ZNF335: variants seen among roughly 807,000 people sequenced by gnomAD.
ZNF335 encodes NRC-interacting factor 1.
ZNF335 carries 84 observed loss-of-function variants against 145.6 expected under a neutral mutation model. The observed-to-expected ratio is 0.58, with a 90% CI of 0.48 to 0.69. ZNF335 has a LOEUF of 0.69. Ranked by LOEUF, ZNF335 falls within the 30% of genes least tolerant of loss-of-function variation. ZNF335 has a pLI of 0.00. For synonymous variants in ZNF335, 761 were observed against 717.0 expected, an observed-to-expected ratio of 1.06 and a Z score of -0.98; for missense variants, 1,865 against 1,809.7, an observed-to-expected ratio of 1.03 and a Z score of -0.55.
intron 6 of ZNF335, 171 bp downstream of exon 6, chr20:45,967,323 C>A: frequency 1.0e-6 from 1 of 956,410 alleles, no homozygotes; most frequent in Non-Finnish European, 1.6e-6. Flanking sequence ...GCACCCTGCA[C>A]AACTGCACAC....
chr20:45,963,425 T>A, intron 9 of ZNF335, 48 bp downstream of exon 9: 1 of 1,577,326 alleles, frequency 6.3e-7, no homozygotes. Flanking sequence ...GGCCTCTGCT[T>A]GCCTTCTTCA....
intron 4 of ZNF335, 97 bp downstream of exon 4, chr20:45,968,188 C>G: frequency 6.6e-7 from 1 of 1,512,424 alleles, no homozygotes. Context: ...CAGTGGATAC[C>G]CAGCCAGGGC....
intron 7 of ZNF335, 30 bp downstream of exon 7, chr20:45,965,598 A>C: frequency 6.3e-7 from 1 of 1,580,986 alleles, no homozygotes; most frequent in Non-Finnish European, 8.6e-7. Context: ...TGACCCACCC[A>C]CACGAGCCCC....
At chr20:45,958,256 C>T (rs571031321) in intron 15 of ZNF335, among the ~76,000 whole-genome samples, 1 of 152,230 alleles carries the variant, frequency 6.6e-6, no homozygotes, top group South Asian at 2.1e-4. Context: ...CCATGTTGGT[C>T]GGCTGGTTTC....
rs759434442 is a variant in ZNF335 at position 45,952,285 on chromosome 20, C to T, written c.3051G>A (p.Lys1017=). The T allele has an allele frequency of 6.8e-6, 11 of 1,613,490 alleles. 2 individuals carry two copies. In the South Asian group the frequency reaches 8.8e-5, roughly 13 times the overall value. The change falls in exon 20 of 28, where the codon AAG becomes AAA. Residue 1017 remains lysine (K), a synonymous_variant. Transcript: ENST00000322927. ...SPPSAATAAS[K]KFSCKICAEA... ...CGGCACAGATCTTGCAGGAAAACTTCTTTGATGCAGCAGTGGCTGCAGATG... is the reference window on the plus strand; with the variant it reads ...CGGCACAGATCTTGCAGGAAAACTTTTTTGATGCAGCAGTGGCTGCAGATG...
At chr20:45,968,433 C>T (rs2084001628) in intron 3 of ZNF335, 71 bp from the exon 4 acceptor site, 1 of 1,446,506 alleles carries the variant, frequency 6.9e-7, no homozygotes, top group African/African-American at 1.4e-5. Flanking sequence ...CCCCATGGGC[C>T]CCACTTTGGC....
chr20:45,949,823 GC>G lies in ZNF335; in HGVS notation c.3645del (p.Gln1215HisfsTer4). On this transcript the variant is annotated frameshift_variant, in exon 24 of 28. Coordinates refer to ENST00000322927, the MANE Select transcript of ZNF335 (RefSeq NM_022095.4). LOFTEE classifies it high-confidence loss of function. ...EITTADGQTV[Q>X]HLVTSDNQVQ... Reference sequence around the variant, plus strand: ...ACCTGGTTGTCGGAGGTCACCAGGTGCTGTACGGTCTGGCCATCTGCCGTGG... The same window carrying G: ...ACCTGGTTGTCGGAGGTCACCAGGTGTGTACGGTCTGGCCATCTGCCGTGG... 1 of 1,614,126 alleles carries G rather than the reference GC, an allele frequency of 6.2e-7. No individual in the cohort carries two copies. Among genetic ancestry groups the G allele is most frequent in the East Asian group, 2.2e-5 (1 of 44,876 alleles).
In ZNF335 at chr20:45,953,718, C is replaced by T; in HGVS notation, c.2673G>A (p.Glu891=). The change falls in exon 18 of 28, where the codon GAG becomes GAA. Residue 891 remains glutamate (E), a synonymous_variant. Coordinates refer to ENST00000322927, the MANE Select transcript of ZNF335 (RefSeq NM_022095.4). ...AAGGTGTGCCAGGAGCTGATGTTCC[C>T]TCCTCCATAGGGGGTGCTGTGATGA... The part of the protein sequence containing the change: ...YSVITAPPME[E]GTSAPGTPYS... 1 of 1,614,088 alleles carries T rather than the reference C, an allele frequency of 6.2e-7. No homozygotes were observed. Among genetic ancestry groups the T allele is most frequent in the South Asian group, 1.1e-5 (1 of 91,088 alleles).
rs755233372 is a variant in ZNF335, at chr20:45,950,459, C to T, written c.3326G>A (p.Gly1109Glu). 3.1e-6 allele frequency: 5 copies of T among 1,614,194 alleles called. No homozygotes were observed. The highest frequency in any genetic ancestry group is 2.2e-5 in the East Asian group (1 of 44,880). ...KEKPFACHLC[G>E]QRFNRNGHLK... The stretch of plus-strand genomic sequence containing the variant: ...CACCAGTATCTGGCCTCACCGCTGC[C>T]CGCAGAGGTGGCATGCAAAAGGCTT... The change falls in exon 21 of 28, where the codon GGG becomes GAG. Residue 1109 changes from glycine (G) to glutamate (E), a missense_variant. By Grantham distance (98) the Gly-to-Glu change is moderately conservative. Coordinates refer to ENST00000322927, the MANE Select transcript of ZNF335 (RefSeq NM_022095.4).
intron 18 of ZNF335, among the ~76,000 whole-genome samples, chr20:45,953,457 G>A (rs550146769): frequency 6.6e-6 from 1 of 152,300 alleles, no homozygotes; most frequent in South Asian, 2.1e-4. Context: ...GGGAAATCTG[G>A]GTCTCATGGG....
intron 17 of ZNF335, among the ~76,000 whole-genome samples, chr20:45,955,828 A>AG (rs2083718908): frequency 1.3e-5 from 2 of 152,164 alleles, no homozygotes; most frequent in Admixed American, 1.3e-4. Context: ...TCAAAAAAAA[A>AG]AAAAATTTAT....
At chr20:45,966,038 T>C (rs929383748) in intron 6 of ZNF335, among the ~76,000 whole-genome samples, 2 of 152,058 alleles carry the variant, frequency 1.3e-5, no homozygotes, top group African/African-American at 4.8e-5. Flanking sequence ...CAACCCTTCC[T>C]CCAGACACTG....
chr20:45,970,901 G>A (rs2084049694), intron 2 of ZNF335, among the ~76,000 whole-genome samples: 1 of 151,980 alleles, frequency 6.6e-6, no homozygotes, highest in South Asian at 2.1e-4. Flanking sequence ...CTAGACATCT[G>A]CCTCTCAAAG....
At chr20:45,955,960 A>G (rs983234007) in intron 17 of ZNF335, among the ~76,000 whole-genome samples, 10 of 152,228 alleles carry the variant, frequency 6.6e-5, no homozygotes, top group Non-Finnish European at 1.3e-4. Context: ...TGATACAGAG[A>G]TGCAAGATGG....
At chr20:45,956,252 T>TG (rs887394749) in intron 17 of ZNF335, among the ~76,000 whole-genome samples, 11 of 151,436 alleles carry the variant, frequency 7.3e-5, no homozygotes, top group East Asian at 5.8e-4. Context: ...TTTTTTTAGA[T>TG]GGAGTTTTGC....
At chr20:45,952,054 G>A in intron 20 of ZNF335, 93 bp downstream of exon 20, 1 of 1,474,984 alleles carries the variant, frequency 6.8e-7, no homozygotes, top group Non-Finnish European at 9.0e-7. Flanking sequence ...GAGAGCAGAG[G>A]ATCTGGCTTG....
intron 2 of ZNF335, chr20:45,970,188 A>C (rs1436036040): frequency 6.5e-6 from 1 of 153,360 alleles, no homozygotes; most frequent in African/African-American, 2.4e-5. Flanking sequence ...AACAGCCTCC[A>C]TGCCAGACTG....
intron 7 of ZNF335, among the ~76,000 whole-genome samples, chr20:45,964,755 G>A (rs181078995): frequency 2.0e-4 from 31 of 152,198 alleles, no homozygotes; most frequent in South Asian, 4.1e-4. Flanking sequence ...GAATACAATA[G>A]GCCAAGTGCG....
Position 45,969,560 on chromosome 20 carries a change from T to A in ZNF335, c.333A>T (p.Ala111=), listed in dbSNP as rs1337041772. Reference sequence around the variant, plus strand: ...ACACCAGCATGTTGGGGTCTGGGAGTGCACTAGAGTGCACAAGTGCTGGGG... The same window carrying A: ...ACACCAGCATGTTGGGGTCTGGGAGAGCACTAGAGTGCACAAGTGCTGGGG... ...GGPPALVHSS[A]LPDPNMLVSD... Residue 111 remains alanine (A), a synonymous_variant, in exon 3 of 28, where the codon GCA becomes GCT. Coordinates refer to ENST00000322927, the MANE Select transcript of ZNF335 (RefSeq NM_022095.4). 8 of 1,595,852 alleles carry A rather than the reference T, an allele frequency of 5.0e-6. No homozygotes were observed. In the African/African-American group the frequency reaches 8.0e-5, roughly 16 times the overall value.
Sources: gnomAD v4.1 joint callset for allele counts (sites outside exome capture counted in the v4.1 genomes callset) on GRCh38, gnomAD v4.1.1 for gene constraint, MANE v1.5 for transcripts, NCBI Gene and HGNC (gene_info 2026-07-23, HGNC 2026-07-21) for gene names.